The following RORA variants were observed in gnomAD, a reference collection of about 807,000 sequenced individuals.
The protein encoded by RORA is nuclear receptor ROR-alpha.
RORA carries 7 observed loss-of-function variants against 69.5 expected under a neutral mutation model. The ratio of observed to expected loss-of-function variants is 0.10; its 90% CI spans 0.06 to 0.19. RORA has a LOEUF of 0.19. Among genes scored for constraint, RORA ranks in the 10% least tolerant of loss-of-function variants. The pLI, the probability that RORA is intolerant of heterozygous loss-of-function variation, is 1.00. For missense variants in RORA, 457 were observed against 663.0 expected (o/e 0.69, Z 3.41); for synonymous variants, 261 against 240.8 (o/e 1.08, Z -0.78).
intron 1 of RORA, among the ~76,000 whole-genome samples, chr15:61,126,739 T>G (rs1332055456): frequency 2.6e-5 from 4 of 152,122 alleles, no homozygotes; most frequent in African/African-American, 9.7e-5. Context: ...AAATGGAAAT[T>G]TAAAGTGTTT....
At chr15:60,919,050 T>A (rs760273699) in intron 1 of RORA, among the ~76,000 whole-genome samples, 2 of 152,110 alleles carry the variant, frequency 1.3e-5, no homozygotes, top group African/African-American at 2.4e-5. Context: ...CGAAAAGACA[T>A]GCGGCTTATA....
intron 1 of RORA, among the ~76,000 whole-genome samples, chr15:60,695,515 T>C (rs1035382884): frequency 2.6e-5 from 4 of 152,036 alleles, no homozygotes; most frequent in African/African-American, 9.7e-5. Context: ...ATATTCCAAA[T>C]AATTCTTACA....
chr15:60,571,813 T>C (rs11631239), intron 2 of RORA, among the ~76,000 whole-genome samples: 39,484 of 152,192 alleles, frequency 0.26, 10,173 homozygotes, highest in African/African-American at 0.67. Flanking sequence ...AAATTTTCTT[T>C]CCTGCTGGGA....
intron 1 of RORA, among the ~76,000 whole-genome samples, chr15:60,699,599 T>G (rs2070953807): frequency 6.6e-6 from 1 of 152,232 alleles, no homozygotes; most frequent in South Asian, 2.1e-4. Context: ...ATTTGGGGCA[T>G]CTACTTCTTA....
chr15:60,906,012 T>A (rs1034287403), intron 1 of RORA, among the ~76,000 whole-genome samples: 1 of 152,228 alleles, frequency 6.6e-6, no homozygotes, highest in Non-Finnish European at 1.5e-5. Flanking sequence ...ACTTCTCTCT[T>A]TTAATGAGAT....
At chr15:60,894,397 G>A (rs10083629) in intron 1 of RORA, among the ~76,000 whole-genome samples, 3 of 152,012 alleles carry the variant, frequency 2.0e-5, no homozygotes, top group African/African-American at 7.3e-5. Context: ...ACGGTTTTCT[G>A]ACATTAAGAA....
chr15:61,150,844 T>C (rs2079391271), intron 1 of RORA, among the ~76,000 whole-genome samples: 2 of 152,224 alleles, frequency 1.3e-5, no homozygotes, highest in African/African-American at 4.8e-5. Flanking sequence ...TTTCTCTACT[T>C]ATCAGTGGGC....
chr15:61,012,633 T>G (rs1390193729), intron 1 of RORA, among the ~76,000 whole-genome samples: 1 of 150,210 alleles, frequency 6.7e-6, no homozygotes, highest in African/African-American at 2.4e-5. Flanking sequence ...CTGGCAAACA[T>G]TGTTTCACTA....
chr15:60,575,133 C>A (rs1336134944), intron 2 of RORA, among the ~76,000 whole-genome samples: 1 of 151,888 alleles, frequency 6.6e-6, no homozygotes, highest in Non-Finnish European at 1.5e-5. Context: ...CTAATGCCAG[C>A]CTTAACCTAG....
intron 1 of RORA, among the ~76,000 whole-genome samples, chr15:60,932,467 T>G (rs1332026114): frequency 6.6e-6 from 1 of 152,218 alleles, no homozygotes; most frequent in African/African-American, 2.4e-5. Flanking sequence ...GTAACAGGTA[T>G]GTTAAAAAGT....
chr15:61,152,708 G>T (rs1331104037), intron 1 of RORA, among the ~76,000 whole-genome samples: 2 of 152,030 alleles, frequency 1.3e-5, no homozygotes, highest in African/African-American at 4.8e-5. Context: ...AACTTTTTAG[G>T]ACATCTCTCT....
intron 4 of RORA, among the ~76,000 whole-genome samples, chr15:60,513,429 G>A (rs1413452156): frequency 2.0e-5 from 3 of 152,146 alleles, no homozygotes; most frequent in African/African-American, 7.2e-5. Context: ...CTGTGACTCC[G>A]CAATTATGAT....
intron 1 of RORA, among the ~76,000 whole-genome samples, chr15:60,828,370 G>A (rs1302221842): frequency 6.6e-6 from 1 of 152,226 alleles, no homozygotes; most frequent in Non-Finnish European, 1.5e-5. Flanking sequence ...TGGGCCCAAA[G>A]TACTTCAAAG....
intron 1 of RORA, among the ~76,000 whole-genome samples, chr15:60,916,939 A>T (rs1408654235): frequency 6.6e-6 from 1 of 152,060 alleles, no homozygotes; most frequent in Non-Finnish European, 1.5e-5. Context: ...ATAAAGTCTA[A>T]TTTGGGCCAG....
intron 2 of RORA, among the ~76,000 whole-genome samples, chr15:60,605,420 A>G (rs1192352190): frequency 6.6e-6 from 1 of 152,218 alleles, no homozygotes; most frequent in Non-Finnish European, 1.5e-5. Flanking sequence ...TCAAGGCAAT[A>G]AAAACCAATA....
chr15:60,960,053 T>C lies in RORA; in HGVS notation c.166+269000A>G, dbSNP rs190878648. The stretch of plus-strand genomic sequence containing the variant: ...TAAATAAATGAAAACAGGATTTTTT[T>C]TGTGTGTGTGTGGAATGAGGAAAAA... On this transcript the variant is annotated intron_variant, in intron 1 of 10. Coordinates refer to ENST00000335670, the MANE Select transcript of RORA (RefSeq NM_134261.3). 7.9e-5 allele frequency among the ~76,000 whole-genome samples: 12 copies of C among 152,174 alleles called. No individual in the cohort carries two copies. In the South Asian group the frequency reaches 2.5e-3, roughly 32 times the overall value.
intron 1 of RORA, among the ~76,000 whole-genome samples, chr15:60,781,349 C>T (rs1447642871): frequency 1.3e-5 from 2 of 152,092 alleles, no homozygotes; most frequent in Non-Finnish European, 2.9e-5. Context: ...CACACATAAG[C>T]GAGGAAGGAA....
intron 1 of RORA, among the ~76,000 whole-genome samples, chr15:61,042,505 G>A (rs1275919134): frequency 6.6e-6 from 1 of 152,300 alleles, no homozygotes; most frequent in African/African-American, 2.4e-5. Flanking sequence ...CACTGTGTGA[G>A]CCCACCCTCC....
chr15:61,211,569 G>A (rs2079992298), intron 1 of RORA, among the ~76,000 whole-genome samples: 1 of 152,142 alleles, frequency 6.6e-6, no homozygotes, highest in South Asian at 2.1e-4. Flanking sequence ...TAATTTCACA[G>A]CACAGAGATA....
Sources: gnomAD v4.1 joint callset for allele counts (sites outside exome capture counted in the v4.1 genomes callset) on GRCh38, gnomAD v4.1.1 for gene constraint, MANE v1.5 for transcripts, NCBI Gene and HGNC (gene_info 2026-07-23, HGNC 2026-07-21) for gene names.